Variants in ALK observed in about 807,000 individuals in gnomAD.
ALK encodes the protein ALK tyrosine kinase receptor.
A neutral mutation model predicts 163.1 loss-of-function variants in ALK; 74 were observed. The observed-to-expected ratio is 0.45, with a 90% CI of 0.38 to 0.55. ALK has a LOEUF of 0.55. Among genes scored for constraint, ALK ranks in the 20% least tolerant of loss-of-function variants. The pLI is 0.00. For synonymous variants in ALK, 960 were observed against 843.2 expected (o/e 1.14, Z -2.40); for missense variants, 2,063 against 2,105.3 (o/e 0.98, Z 0.39).
At chr2:29,464,764 T>C (rs2148105683) in intron 4 of ALK, among the ~76,000 whole-genome samples, 1 of 152,276 alleles carries the variant, frequency 6.6e-6, no homozygotes, top group African/African-American at 2.4e-5. Flanking sequence ...CAAAGGATAT[T>C]GCTAAGCATC....
chr2:29,784,382 T>G (rs928141572), intron 1 of ALK, among the ~76,000 whole-genome samples: 1 of 152,098 alleles, frequency 6.6e-6, no homozygotes, highest in African/African-American at 2.4e-5. Flanking sequence ...GGTGAAGAAA[T>G]TGAGGTTGAG....
At chr2:29,743,920 A>G (rs189538326) in intron 1 of ALK, among the ~76,000 whole-genome samples, 2 of 151,824 alleles carry the variant, frequency 1.3e-5, no homozygotes, top group Admixed American at 1.3e-4. Context: ...GGAGGTCTCG[A>G]GATACATAAA....
chr2:29,216,456 G>A (rs1041040225), intron 23 of ALK, among the ~76,000 whole-genome samples: 1 of 152,086 alleles, frequency 6.6e-6, no homozygotes, highest in African/African-American at 2.4e-5. Flanking sequence ...AGCCTGGAGC[G>A]CTGTGGGGAC....
intron 1 of ALK, among the ~76,000 whole-genome samples, chr2:29,865,461 G>A (rs1431826924): frequency 3.3e-5 from 5 of 152,126 alleles, no homozygotes; most frequent in Admixed American, 3.3e-4. Flanking sequence ...CTCCTATGTG[G>A]ATTGGCTTCT....
intron 1 of ALK, among the ~76,000 whole-genome samples, chr2:29,903,766 G>T (rs1229334865): frequency 6.6e-6 from 1 of 152,138 alleles, no homozygotes; most frequent in Non-Finnish European, 1.5e-5. Flanking sequence ...GAGGTAAGCA[G>T]CTCTTATCAT....
At chr2:29,708,693 C>A (rs141017906) in intron 2 of ALK, among the ~76,000 whole-genome samples, 64 of 152,236 alleles carry the variant, frequency 4.2e-4, no homozygotes, top group African/African-American at 1.4e-3. Flanking sequence ...GAAAATGAAC[C>A]CTTGCCTCTA....
intron 5 of ALK, among the ~76,000 whole-genome samples, chr2:29,357,611 C>T (rs1668283222): frequency 6.6e-6 from 1 of 152,188 alleles, no homozygotes; most frequent in African/African-American, 2.4e-5. Context: ...AGTGGGGGTG[C>T]TGTGGCAAAC....
At chr2:29,194,876 C>CA (rs1255238004) in intron 28 of ALK, among the ~76,000 whole-genome samples, 3 of 152,010 alleles carry the variant, frequency 2.0e-5, no homozygotes, top group Admixed American at 2.0e-4. Flanking sequence ...AAACCATTTA[C>CA]AAAAACAACT....
chr2:29,896,197 G>C (rs6732577), intron 1 of ALK, among the ~76,000 whole-genome samples: 103,337 of 151,900 alleles, frequency 0.68, 35,911 homozygotes, highest in Non-Finnish European at 0.76. Context: ...AGAGGAAATG[G>C]GTCTTAGAGG....
At chr2:29,304,223 C>T (rs10195485) in intron 8 of ALK, among the ~76,000 whole-genome samples, 15,351 of 152,134 alleles carry the variant, frequency 0.1, 805 homozygotes, top group Non-Finnish European at 0.12. Flanking sequence ...TCTGGCTGGG[C>T]GCGGTGGCTT....
At chr2:29,493,126 CACTT>C (rs1395934454) in intron 4 of ALK, among the ~76,000 whole-genome samples, 1 of 151,982 alleles carries the variant, frequency 6.6e-6, no homozygotes, top group Non-Finnish European at 1.5e-5. Flanking sequence ...AGTGGATTTA[CACTT>C]ACTTGAGCGT....
At chr2:29,671,256 T>C (rs559063729) in intron 3 of ALK, among the ~76,000 whole-genome samples, 2 of 152,222 alleles carry the variant, frequency 1.3e-5, no homozygotes, top group Non-Finnish European at 2.9e-5. Context: ...AAGTGCTGCC[T>C]GTTCCAAATG....
chr2:29,258,286 C>T (rs1665000961), intron 11 of ALK, among the ~76,000 whole-genome samples: 1 of 152,184 alleles, frequency 6.6e-6, no homozygotes, highest in African/African-American at 2.4e-5. Context: ...AGGTCATGTT[C>T]TTTCATCAGG....
rs1664468478 is a variant in ALK at position 29,239,585 on chromosome 2, CTT to C, written c.2355+93_2355+94del. On this transcript the variant is annotated intron_variant, in intron 13 of 28. Coordinates refer to ENST00000389048, the MANE Select transcript of ALK (RefSeq NM_004304.5). ...TGCTGTCTCATTCTCCTGGTATGAA[CTT>C]CCAGGAGGAGGGTGTTGAGTGTTGG... 10 of 1,460,966 alleles carry C rather than the reference CTT, an allele frequency of 6.8e-6. No individual in the cohort carries two copies. In the South Asian group the frequency reaches 1.1e-4, roughly 17 times the overall value. 90.5% of individuals were successfully genotyped at this position (1,460,966 alleles called of 1,614,324 possible).
chr2:29,337,380 T>A (rs1534543), intron 5 of ALK, among the ~76,000 whole-genome samples: 1 of 152,224 alleles, frequency 6.6e-6, no homozygotes, highest in Non-Finnish European at 1.5e-5. Flanking sequence ...AGCCTTGCCA[T>A]CAGCCCTCTG....
chr2:29,609,583 A>G (rs771141479), intron 3 of ALK, among the ~76,000 whole-genome samples: 1 of 152,206 alleles, frequency 6.6e-6, no homozygotes, highest in African/African-American at 2.4e-5. Context: ...GTGATCCCTG[A>G]AACATCTGTG....
chr2:29,630,304 A>C (rs1365066806), intron 3 of ALK, among the ~76,000 whole-genome samples: 1 of 152,212 alleles, frequency 6.6e-6, no homozygotes, highest in Non-Finnish European at 1.5e-5. Flanking sequence ...GAGAGTAAAG[A>C]AATAGCTAAA....
At chr2:29,509,098 G>A (rs1426668458) in intron 4 of ALK, among the ~76,000 whole-genome samples, 1 of 152,164 alleles carries the variant, frequency 6.6e-6, no homozygotes, top group East Asian at 1.9e-4. Flanking sequence ...GGTGCCCATG[G>A]TCATGTGTGG....
At chr2:29,576,504 C>T (rs1380910924) in intron 3 of ALK, among the ~76,000 whole-genome samples, 1 of 152,232 alleles carries the variant, frequency 6.6e-6, no homozygotes, top group African/African-American at 2.4e-5. Flanking sequence ...TGACATTTGT[C>T]CCTCCCTGTT....
Sources: gnomAD v4.1 joint callset for allele counts (sites outside exome capture counted in the v4.1 genomes callset) on GRCh38, gnomAD v4.1.1 for gene constraint, MANE v1.5 for transcripts, NCBI Gene and HGNC (gene_info 2026-07-23, HGNC 2026-07-21) for gene names.